Variants in ZIC1 observed in about 807,000 individuals in gnomAD.
The protein encoded by ZIC1 is Zic family zinc finger 1.
A neutral mutation model predicts 30.9 loss-of-function variants in ZIC1; 4 were observed. That is an observed-to-expected ratio of 0.13 (90% CI 0.06 to 0.30). The LOEUF is 0.30. Ranked by LOEUF, ZIC1 falls within the 10% of genes least tolerant of loss-of-function variation. The pLI is 1.00. For missense variants in ZIC1, 441 were observed against 639.3 expected (o/e 0.69, Z 3.34); for synonymous variants, 305 against 277.5 (o/e 1.10, Z -0.98).
rs1039215537 is a variant in ZIC1, at chr3:147,415,543, G to A, written c.*1992G>A. 6.6e-6 allele frequency: 1 copy of A among 152,638 alleles called. No individual in the cohort carries two copies. The highest frequency in any genetic ancestry group is 2.1e-4 in the South Asian group (1 of 4,822). The allele number at this position is 152,638 out of a possible 1,614,324, so 9.5% of individuals were successfully genotyped here. A position where few individuals can be genotyped will look rare whatever the true frequency, so the allele number is the denominator to read the frequency against. ...GCCCCATTAGGCAGACAACGTAGCC[G>A]GAGATCACAAATCAGGCCCTTGGCT... is the stretch of plus-strand genomic sequence containing the variant. On this transcript the variant is annotated 3_prime_UTR_variant, in exon 3 of 3. Coordinates refer to ENST00000282928, the MANE Select transcript of ZIC1 (RefSeq NM_003412.4).
In ZIC1 at chr3:147,414,670, C is replaced by A. The variant is rs2087418317; in HGVS notation, c.*1119C>A. On this transcript the variant is annotated 3_prime_UTR_variant, in exon 3 of 3. Coordinates refer to ENST00000282928, the MANE Select transcript of ZIC1 (RefSeq NM_003412.4). ...CTCCAGTCTCCCTTGCCTTCCCTTT[C>A]TGTCACTGCAGGTCGTATAAACGTG... The A allele has an allele frequency of 6.5e-6, 1 of 152,672 alleles. No individual in the cohort carries two copies. Among genetic ancestry groups the A allele is most frequent in the African/African-American group, 2.4e-5 (1 of 41,458 alleles). The allele number at this position is 152,672 out of a possible 1,614,324, so 9.5% of individuals were successfully genotyped here.
At chr3:147,411,785 T>C (rs1336608847) in intron 1 of ZIC1, among the ~76,000 whole-genome samples, 1 of 151,668 alleles carries the variant, frequency 6.6e-6, no homozygotes. Context: ...CAGATTCCCC[T>C]CTTTGGCCTT....
intron 1 of ZIC1, 115 bp downstream of exon 1, chr3:147,411,209 T>TCCGG (rs1221711651): frequency 3.5e-6 from 5 of 1,422,890 alleles, no homozygotes; most frequent in Admixed American, 2.5e-5. Context: ...GGCGTCAGGT[T>TCCGG]CCGGCAGGCA....
intron 1 of ZIC1, 49 bp from the exon 2 acceptor site, chr3:147,412,469 C>A: frequency 6.3e-7 from 1 of 1,594,038 alleles, no homozygotes; most frequent in South Asian, 1.2e-5. Context: ...GAAAAACGGC[C>A]GCGGTATTTT....
chr3:147,414,055 G>A lies in ZIC1; in HGVS notation c.*504G>A. ...GACCGGATGGGCGGGGGGAGGGGGA[G>A]GGGGAGGGGTGGGCGGCCGAAAGCC... On this transcript the variant is annotated 3_prime_UTR_variant, in exon 3 of 3. Coordinates refer to ENST00000282928, the MANE Select transcript of ZIC1 (RefSeq NM_003412.4). 7.9e-6 allele frequency: 1 copy of A among 127,282 alleles called. No individual in the cohort carries two copies. Among genetic ancestry groups the A allele is most frequent in the South Asian group, 3.3e-4 (1 of 3,040 alleles). The allele number at this position is 127,282 out of a possible 1,614,324, so 7.9% of individuals were successfully genotyped here. A position where few individuals can be genotyped will look rare whatever the true frequency, so the allele number is the denominator to read the frequency against.
rs956024185 is a variant in ZIC1, at chr3:147,414,009, T to C, written c.*458T>C. 1.3e-5 allele frequency: 1 copy of C among 79,738 alleles called. No individual in the cohort carries two copies. Among genetic ancestry groups the C allele is most frequent in the Non-Finnish European group, 2.3e-5 (1 of 42,982 alleles). 4.9% of individuals were successfully genotyped at this position (79,738 alleles called of 1,614,324 possible). A position where few individuals can be genotyped will look rare whatever the true frequency, so the allele number is the denominator to read the frequency against. ...GGTGGGATTGTGGCGTTGTGGTCTT[T>C]GCATTGGGGGAGGGGGGAGGGACCG... is the stretch of plus-strand genomic sequence containing the variant. On this transcript the variant is annotated 3_prime_UTR_variant, in exon 3 of 3. Transcript: ENST00000282928.
Position 147,415,175 on chromosome 3 carries a change from CTA to C in ZIC1, c.*1626_*1627del, listed in dbSNP as rs1426742556. On this transcript the variant is annotated 3_prime_UTR_variant, in exon 3 of 3. Transcript: ENST00000282928. ...TACTTCCTATGATATGTTATTATTC[CTA>C]TGATTTTGCCACTGTTATTAGTTCT... 1 of 152,528 alleles carries C rather than the reference CTA, an allele frequency of 6.6e-6. No homozygotes were observed. The highest frequency in any genetic ancestry group is 1.5e-5 in the Non-Finnish European group (1 of 68,006). 9.4% of individuals were successfully genotyped at this position (152,528 alleles called of 1,614,324 possible).
At position 147,413,638 on chromosome 3, in the gene ZIC1, CA is replaced by C; in HGVS notation, c.*91del. 1 of 1,473,922 alleles carries C rather than the reference CA, an allele frequency of 6.8e-7. No individual in the cohort carries two copies. Among genetic ancestry groups the C allele is most frequent in the Non-Finnish European group, 9.2e-7 (1 of 1,087,856 alleles). The allele number at this position is 1,473,922 out of a possible 1,614,324, so 91.3% of individuals were successfully genotyped here. ...ACATTACTGAAAGAACCCTGCGAAT[CA>C]AAACAACCCCCACACAGACCCCGCA... On this transcript the variant is annotated 3_prime_UTR_variant, in exon 3 of 3. Coordinates refer to ENST00000282928, the MANE Select transcript of ZIC1 (RefSeq NM_003412.4).
At chr3:147,412,758 G>A (rs1472885056) in intron 2 of ZIC1, 77 bp downstream of exon 2, 2 of 1,541,360 alleles carry the variant, frequency 1.3e-6, no homozygotes, top group Non-Finnish European at 8.8e-7. Context: ...GCGGCGAGTG[G>A]CAGACAGGCG....
rs372094639 is a variant in ZIC1, at chr3:147,413,647, C to A, written c.*96C>A. On this transcript the variant is annotated 3_prime_UTR_variant, in exon 3 of 3. Coordinates refer to ENST00000282928, the MANE Select transcript of ZIC1 (RefSeq NM_003412.4). ...AAAGAACCCTGCGAATCAAAACAAC[C>A]CCCACACAGACCCCGCAATCCTTTT... The A allele has an allele frequency of 9.8e-4, 1,363 of 1,387,730 alleles. 36 individuals carry two copies. The East Asian group carries it at 0.024, about 25-fold the overall frequency. The allele number at this position is 1,387,730 out of a possible 1,614,324, so 86.0% of individuals were successfully genotyped here. A position where few individuals can be genotyped will look rare whatever the true frequency, so the allele number is the denominator to read the frequency against.
rs959581461 is a variant in ZIC1 at position 147,412,823 on chromosome 3, C to T, written c.1146+142C>T. The T allele has an allele frequency of 4.7e-6, 5 of 1,065,492 alleles. No homozygotes were observed. In the Admixed American group the frequency reaches 1.4e-4, roughly 30 times the overall value. The allele number at this position is 1,065,492 out of a possible 1,614,324, so 66.0% of individuals were successfully genotyped here. A position where few individuals can be genotyped will look rare whatever the true frequency, so the allele number is the denominator to read the frequency against. On this transcript the variant is annotated intron_variant, in intron 2 of 2. Coordinates refer to ENST00000282928, the MANE Select transcript of ZIC1 (RefSeq NM_003412.4). ...AAAGGTTCCACTCAGTGGAACTGGGCAGAGAAGGTAGGGCGGGACCTGGAA... is the reference window on the plus strand; with the variant it reads ...AAAGGTTCCACTCAGTGGAACTGGGTAGAGAAGGTAGGGCGGGACCTGGAA...
chr3:147,410,616 G>C lies in ZIC1; in HGVS notation c.504G>C (p.Ser168=). 6.2e-7 allele frequency: 1 copy of C among 1,613,256 alleles called. No homozygotes were observed. Among genetic ancestry groups the C allele is most frequent in the Non-Finnish European group, 8.5e-7 (1 of 1,179,870 alleles). ...ACGGGCAGATGAGGCTCGGCTTCTC[G>C]GGGGACATGTACCCGCGACCGGAGC... ...VVNGQMRLGF[S]GDMYPRPEQY... Residue 168 remains serine (S), a synonymous_variant, in exon 1 of 3, where the codon TCG becomes TCC. Coordinates refer to ENST00000282928, the MANE Select transcript of ZIC1 (RefSeq NM_003412.4).
rs2087341261 is a variant in ZIC1 at position 147,409,459 on chromosome 3, A to G, written c.-654A>G. ...GTTTCTCCCCAGGAAGATAAACCGC[A>G]AAAGACAATATTGTGCATGATTTGC... On this transcript the variant is annotated 5_prime_UTR_variant, in exon 1 of 3. Coordinates refer to ENST00000282928, the MANE Select transcript of ZIC1 (RefSeq NM_003412.4). The G allele has an allele frequency of 6.6e-6, 1 of 152,600 alleles. No individual in the cohort carries two copies. The highest frequency in any genetic ancestry group is 6.5e-5 in the Admixed American group (1 of 15,284). The allele number at this position is 152,600 out of a possible 1,614,324, so 9.5% of individuals were successfully genotyped here.
chr3:147,409,778 C>G lies in ZIC1; in HGVS notation c.-335C>G, dbSNP rs1047814339. On this transcript the variant is annotated 5_prime_UTR_variant, in exon 1 of 3. Coordinates refer to ENST00000282928, the MANE Select transcript of ZIC1 (RefSeq NM_003412.4). ...GGGCTGAGATGCTCCATGCCTTTCC[C>G]CGGGCAGCCTTGACGCGCGGCCCTC... is the stretch of plus-strand genomic sequence containing the variant. 2.7e-5 allele frequency: 10 copies of G among 366,238 alleles called. No homozygotes were observed. The highest frequency in any genetic ancestry group is 2.1e-4 in the African/African-American group (10 of 46,814). 22.7% of individuals were successfully genotyped at this position (366,238 alleles called of 1,614,324 possible).
rs2087426417 is a variant in ZIC1, at chr3:147,415,539, A to G, written c.*1988A>G. 6.6e-6 allele frequency: 1 copy of G among 152,658 alleles called. No individual in the cohort carries two copies. Among genetic ancestry groups the G allele is most frequent in the African/African-American group, 2.4e-5 (1 of 41,458 alleles). The allele number at this position is 152,658 out of a possible 1,614,324, so 9.5% of individuals were successfully genotyped here. ...GATCGCCCCATTAGGCAGACAACGT[A>G]GCCGGAGATCACAAATCAGGCCCTT... On this transcript the variant is annotated 3_prime_UTR_variant, in exon 3 of 3. Transcript: ENST00000282928.
chr3:147,410,389 G>T lies in ZIC1; in HGVS notation c.277G>T (p.Ala93Ser). Reference sequence around the variant, plus strand: ...CCACGTCGGCTCCTATTCCAGCGCAGCCTTCAACTCCACGCGGGACTTTCT... The same window carrying T: ...CCACGTCGGCTCCTATTCCAGCGCATCCTTCAACTCCACGCGGGACTTTCT... ...PGHVGSYSSAAFNSTRDFLFR... is the reference protein window; with the variant it reads ...PGHVGSYSSASFNSTRDFLFR... The change falls in exon 1 of 3, where the codon GCC becomes TCC. Residue 93 changes from alanine to serine, a missense_variant. Physicochemically the swap from Ala to Ser is moderately conservative, Grantham distance 99. Around this residue, in one of 5 missense-constraint regions of ZIC1, gnomAD observed 307 missense variants for 355.3 expected, o/e 0.86. Transcript: ENST00000282928. The T allele has an allele frequency of 6.2e-7, 1 of 1,602,404 alleles. No individual in the cohort carries two copies.
At position 147,412,651 on chromosome 3, in the gene ZIC1, G is replaced by T. The variant is rs147993210; in HGVS notation, c.1116G>T (p.Thr372=). The change falls in exon 2 of 3, where the codon ACG becomes ACT. Residue 372 remains threonine (T), a synonymous_variant. Transcript: ENST00000282928. ...GCAAGATGTGCGACAAGTCCTACACGCATCCCAGTTCGCTGCGCAAACACA... is the reference window on the plus strand; with the variant it reads ...GCAAGATGTGCGACAAGTCCTACACTCATCCCAGTTCGCTGCGCAAACACA... ...YLCKMCDKSY[T]HPSSLRKHMK... is the part of the protein sequence containing the mutation. 461 of 1,613,484 alleles carry T rather than the reference G, an allele frequency of 2.9e-4. 1 individual carries two copies. Among genetic ancestry groups the T allele is most frequent in the Middle Eastern group, 5.0e-4 (3 of 6,058 alleles).
chr3:147,411,201 C>T, intron 1 of ZIC1, 107 bp downstream of exon 1: 1 of 1,456,228 alleles, frequency 6.9e-7, no homozygotes, highest in Non-Finnish European at 9.1e-7. Context: ...GGATCCCGGG[C>T]GTCAGGTTCC....
chr3:147,410,247 C>T lies in ZIC1; in HGVS notation c.135C>T (p.Gly45=). 6.2e-7 allele frequency: 1 copy of T among 1,601,160 alleles called. No individual in the cohort carries two copies. The change falls in exon 1 of 3, where the codon GGC becomes GGT. Residue 45 remains glycine (G), a synonymous_variant. Transcript: ENST00000282928. ...LGINPFADGM[G]AFKLNPSSHE... ...TCAACCCGTTCGCCGACGGCATGGG[C>T]GCCTTCAAGCTCAACCCCAGTTCGC...
Sources: gnomAD v4.1 joint callset for allele counts (sites outside exome capture counted in the v4.1 genomes callset) on GRCh38, gnomAD v4.1.1 for gene constraint, gnomAD v4.1.1 regional missense constraint, MANE v1.5 for transcripts, NCBI Gene and HGNC (gene_info 2026-07-23, HGNC 2026-07-21) for gene names.